The following MED15 variants were observed in gnomAD, a reference collection of about 807,000 sequenced individuals.
MED15 encodes the protein mediator of RNA polymerase II transcription subunit 15.
In MED15, 41 loss-of-function variants were observed where a neutral mutation model predicts 118.7. The ratio of observed to expected loss-of-function variants is 0.35; its 90% CI spans 0.27 to 0.45. The LOEUF (loss-of-function observed/expected upper bound fraction) is 0.45, where lower values mean the gene tolerates loss of function less well. MED15 is among the 20% of genes least tolerant of loss of function. The pLI is 1.00. For synonymous variants in MED15, 436 were observed against 413.9 expected (o/e 1.05, Z -0.65); for missense variants, 740 against 1,025.5 (o/e 0.72, Z 3.80).
chr22:20,575,420 A>C (rs1299349723), intron 9 of MED15, among the ~76,000 whole-genome samples, 188 bp downstream of exon 9: 1 of 150,550 alleles, frequency 6.6e-6, no homozygotes, highest in Non-Finnish European at 1.5e-5. Context: ...TGTTGAGAGG[A>C]TATGAATAAA....
At chr22:20,516,464 G>C (rs533583085) in intron 1 of MED15, among the ~76,000 whole-genome samples, 166 of 152,218 alleles carry the variant, frequency 1.1e-3, no homozygotes, top group African/African-American at 3.5e-3. Context: ...AGCCCCTTTT[G>C]ATCTTTGGCC....
intron 1 of MED15, among the ~76,000 whole-genome samples, chr22:20,527,698 C>G (rs1291375004): frequency 6.6e-6 from 1 of 152,136 alleles, no homozygotes; most frequent in Non-Finnish European, 1.5e-5. Context: ...TGGCTCACAC[C>G]TGTAATCCTA....
At chr22:20,565,657 A>G (rs1306775009) in intron 6 of MED15, among the ~76,000 whole-genome samples, 3 of 152,130 alleles carry the variant, frequency 2.0e-5, no homozygotes, top group African/African-American at 7.2e-5. Flanking sequence ...CAGAGCTGAC[A>G]GTGCATCTGC....
intron 8 of MED15, among the ~76,000 whole-genome samples, chr22:20,570,746 CTTTTTTTTTTTTTTT>C (rs61109389): frequency 1.6e-4 from 10 of 62,070 alleles, no homozygotes; most frequent in Admixed American, 2.6e-4. Context: ...TTCTTTCTTT[CTTTTTTTTTTTTTTT>C]TTTTTTTTTT....
At chr22:20,531,746 C>T (rs933469717) in intron 1 of MED15, among the ~76,000 whole-genome samples, 11 of 152,250 alleles carry the variant, frequency 7.2e-5, no homozygotes, top group African/African-American at 1.7e-4. Context: ...CAAAAGTGGA[C>T]GCCGTTGTCT....
In MED15 at chr22:20,564,581, G is replaced by A. The variant is rs2056366579; in HGVS notation, c.583G>A (p.Ala195Thr). ...QQQQFQAQQSAMQQQFQAVVQ... is the reference protein window; with the variant it reads ...QQQQFQAQQSTMQQQFQAVVQ... Reference sequence around the variant, plus strand: ...GCAGCAGTTCCAGGCTCAGCAGAGTGCCATGCAGCAGCAGTTCCAAGCAGT... The same window carrying A: ...GCAGCAGTTCCAGGCTCAGCAGAGTACCATGCAGCAGCAGTTCCAAGCAGT... Residue 195 changes from alanine (A) to threonine (T), a missense_variant, in exon 6 of 18, where the codon GCC becomes ACC. By Grantham distance (58) the Ala-to-Thr change is moderately conservative. Transcript: ENST00000263205. 2 of 1,607,944 alleles carry A rather than the reference G, an allele frequency of 1.2e-6. No individual in the cohort carries two copies. The highest frequency in any genetic ancestry group is 1.7e-6 in the Non-Finnish European group (2 of 1,175,850).
intron 1 of MED15, among the ~76,000 whole-genome samples, chr22:20,520,344 T>C (rs1283946504): frequency 1.3e-5 from 2 of 152,222 alleles, no homozygotes; most frequent in Non-Finnish European, 2.9e-5. Flanking sequence ...GAGTCTGCTA[T>C]GTGTGAGACA....
At chr22:20,552,433 C>T (rs2055815873) in intron 3 of MED15, 3 of 332,056 alleles carry the variant, frequency 9.0e-6, no homozygotes, top group African/African-American at 2.2e-5. Context: ...TCACTGATCT[C>T]ACTCTCTGTG....
chr22:20,548,685 A>T (rs2055651584), intron 2 of MED15, among the ~76,000 whole-genome samples: 1 of 152,208 alleles, frequency 6.6e-6, no homozygotes, highest in African/African-American at 2.4e-5. Flanking sequence ...GGTGTATGTC[A>T]TGCAGTGTAT....
intron 5 of MED15, among the ~76,000 whole-genome samples, chr22:20,557,732 G>T (rs189092428): frequency 7.3e-4 from 111 of 152,240 alleles, no homozygotes; most frequent in African/African-American, 2.6e-3. Context: ...TCCTGCCCAC[G>T]CCCTCCCCAG....
At chr22:20,555,974 C>T (rs940648326) in intron 5 of MED15, among the ~76,000 whole-genome samples, 2 of 152,206 alleles carry the variant, frequency 1.3e-5, no homozygotes, top group African/African-American at 2.4e-5. Context: ...CTGCTCACCT[C>T]GGCCTCCCAA....
intron 9 of MED15, 104 bp from the exon 10 acceptor site, chr22:20,582,507 T>G: frequency 6.6e-7 from 1 of 1,504,272 alleles, no homozygotes; most frequent in Non-Finnish European, 8.9e-7. Context: ...AGGTGTGTGG[T>G]GAGGCTGTGC....
At chr22:20,565,596 C>G (rs772936138) in intron 6 of MED15, among the ~76,000 whole-genome samples, 7 of 152,194 alleles carry the variant, frequency 4.6e-5, no homozygotes, top group Admixed American at 3.3e-4. Context: ...ACCCTCCCAC[C>G]CCTTCAGGCC....
intron 1 of MED15, chr22:20,508,416 G>A (rs1452650357): frequency 3.1e-6 from 4 of 1,303,562 alleles, no homozygotes; most frequent in Non-Finnish European, 4.0e-6. Flanking sequence ...ATGCGCGTCC[G>A]TGTGAAGAGA....
rs148765694 is a variant in MED15, at chr22:20,582,912, G to A, written c.1482G>A (p.Thr494=). 84 of 1,613,526 alleles carry A rather than the reference G, an allele frequency of 5.2e-5. No homozygotes were observed. The highest frequency in any genetic ancestry group is 1.5e-4 in the African/African-American group (11 of 74,888). The change falls in exon 11 of 18, where the codon ACG becomes ACA. Residue 494 remains threonine (T), a synonymous_variant. Coordinates refer to ENST00000263205, the MANE Select transcript of MED15 (RefSeq NM_001003891.3). ...PSPQPSQSPV[T]ARTPQNFSVP... is the part of the protein sequence containing the mutation. Reference sequence around the variant, plus strand: ...CGCAGCCCTCCCAGAGCCCAGTGACGGCGCGGACCCCACAGAACTTCAGTG... The same window carrying A: ...CGCAGCCCTCCCAGAGCCCAGTGACAGCGCGGACCCCACAGAACTTCAGTG...
In MED15 at chr22:20,579,220, C is replaced by T. The variant is rs563463076; in HGVS notation, c.1273-3391C>T. 3.3e-5 allele frequency among the ~76,000 whole-genome samples: 5 copies of T among 152,318 alleles called. No individual in the cohort carries two copies. The South Asian group carries it at 1.0e-3, about 32-fold the overall frequency. On this transcript the variant is annotated intron_variant, in intron 9 of 17. Transcript: ENST00000263205. ...TTCTTTCTCGCCTCTCTGGCTGCCTCCCCAGAGCCTAGAGCCTGTCTTTGG... is the reference window on the plus strand; with the variant it reads ...TTCTTTCTCGCCTCTCTGGCTGCCTTCCCAGAGCCTAGAGCCTGTCTTTGG...
At position 20,558,536 on chromosome 22, in the gene MED15, G is replaced by A. The variant is rs114286618; in HGVS notation, c.451+3388G>A. 4.3e-3 allele frequency among the ~76,000 whole-genome samples: 654 copies of A among 152,260 alleles called. 7 individuals carry two copies. Among genetic ancestry groups the A allele is most frequent in the African/African-American group, 0.015 (618 of 41,544 alleles). ...TTTTATATGACGTGCATGTAAAGCCGACTTTAAAAATAATTTCTACTGCCA... is the reference window on the plus strand; with the variant it reads ...TTTTATATGACGTGCATGTAAAGCCAACTTTAAAAATAATTTCTACTGCCA... On this transcript the variant is annotated intron_variant, in intron 5 of 17. Transcript: ENST00000263205.
intron 1 of MED15, among the ~76,000 whole-genome samples, chr22:20,511,453 C>T (rs1247514961): frequency 6.6e-6 from 1 of 151,446 alleles, no homozygotes; most frequent in African/African-American, 2.4e-5. Context: ...GTTCACACCA[C>T]TGCACTCCAA....
At chr22:20,550,827 C>T (rs946798477) in intron 2 of MED15, among the ~76,000 whole-genome samples, 1 of 152,270 alleles carries the variant, frequency 6.6e-6, no homozygotes, top group Non-Finnish European at 1.5e-5. Flanking sequence ...TTGCATATAG[C>T]GGGCCTTGGC....
Sources: allele counts gnomAD v4.1 joint callset (sites outside exome capture counted in the v4.1 genomes callset), GRCh38; gene constraint gnomAD v4.1.1; transcripts MANE v1.5; gene names NCBI Gene and HGNC (gene_info 2026-07-23, HGNC 2026-07-21).